CDH12: variants seen among roughly 807,000 people sequenced by gnomAD.
CDH12 encodes cadherin-12.
In CDH12, 41 loss-of-function variants were observed where a neutral mutation model predicts 74.1. That is an observed-to-expected ratio of 0.55 (90% CI 0.43 to 0.72). CDH12 has a LOEUF of 0.72. CDH12 is among the 30% of genes least tolerant of loss of function. The pLI is 0.00. For synonymous variants in CDH12, 399 were observed against 355.0 expected, an observed-to-expected ratio of 1.12 and a Z score of -1.39; for missense variants, 945 against 977.2, an observed-to-expected ratio of 0.97 and a Z score of 0.44.
At chr5:22,425,298 T>C (rs2126507019) in intron 2 of CDH12, among the ~76,000 whole-genome samples, 1 of 151,164 alleles carries the variant, frequency 6.6e-6, no homozygotes, top group South Asian at 2.1e-4. Flanking sequence ...TATGGTTTTG[T>C]GAGTGTGGTA....
chr5:22,404,695 A>AT (rs1208983008), intron 3 of CDH12, among the ~76,000 whole-genome samples: 2 of 152,180 alleles, frequency 1.3e-5, no homozygotes, highest in Non-Finnish European at 2.9e-5. Flanking sequence ...GGAAAGAATA[A>AT]TTACAAAGGA....
At chr5:22,259,737 T>G (rs1329386935) in intron 3 of CDH12, among the ~76,000 whole-genome samples, 1 of 152,056 alleles carries the variant, frequency 6.6e-6, no homozygotes, top group East Asian at 1.9e-4. Flanking sequence ...AGGACTTTTT[T>G]TTTTTACTAG....
At chr5:22,839,563 G>A (rs1467295899) in intron 1 of CDH12, among the ~76,000 whole-genome samples, 1 of 151,666 alleles carries the variant, frequency 6.6e-6, no homozygotes, top group Non-Finnish European at 1.5e-5. Flanking sequence ...CACCATGTTG[G>A]CCAGGCTGGT....
intron 3 of CDH12, among the ~76,000 whole-genome samples, chr5:22,288,253 A>C (rs911977131): frequency 6.6e-6 from 1 of 152,176 alleles, no homozygotes; most frequent in African/African-American, 2.4e-5. Flanking sequence ...AACATGAGCA[A>C]AAATATACAC....
Position 22,043,523 on chromosome 5 carries a change from A to G in CDH12, c.231+34923T>C, listed in dbSNP as rs1739717136. Among the ~76,000 whole-genome samples, 3 of 152,130 alleles carry G rather than the reference A, an allele frequency of 2.0e-5. No homozygotes were observed. The South Asian group carries it at 6.2e-4, about 32-fold the overall frequency. ...AGGGAAAGAAAGTTTTTCCATTAAG[A>G]TATGAAACAAGACAGAGATGCCCAC... On this transcript the variant is annotated intron_variant, in intron 5 of 14. Coordinates refer to ENST00000382254, the MANE Select transcript of CDH12 (RefSeq NM_004061.5).
At chr5:22,721,825 G>A (rs551407370) in intron 1 of CDH12, among the ~76,000 whole-genome samples, 10 of 152,116 alleles carry the variant, frequency 6.6e-5, no homozygotes, top group African/African-American at 1.9e-4. Flanking sequence ...TTTTATAAAG[G>A]GCTCTTCCTC....
intron 6 of CDH12, among the ~76,000 whole-genome samples, chr5:21,881,423 T>C (rs554922052): frequency 6.6e-6 from 1 of 152,212 alleles, no homozygotes; most frequent in Non-Finnish European, 1.5e-5. Flanking sequence ...TCTGGAGTCT[T>C]GACTTTTAGT....
intron 3 of CDH12, among the ~76,000 whole-genome samples, chr5:22,272,487 T>C (rs577004444): frequency 6.6e-6 from 1 of 152,330 alleles, no homozygotes; most frequent in African/African-American, 2.4e-5. Flanking sequence ...AATTTTCTTT[T>C]GAATTCACAA....
At chr5:22,825,110 A>G (rs943595184) in intron 1 of CDH12, among the ~76,000 whole-genome samples, 1 of 152,100 alleles carries the variant, frequency 6.6e-6, no homozygotes, top group Non-Finnish European at 1.5e-5. Flanking sequence ...TTATTTCTTA[A>G]TCCATTCACA....
intron 4 of CDH12, among the ~76,000 whole-genome samples, chr5:22,193,528 G>A (rs1162490740): frequency 6.6e-6 from 1 of 152,166 alleles, no homozygotes; most frequent in Non-Finnish European, 1.5e-5. Flanking sequence ...TGTGCTGAAT[G>A]TCAACCTGTT....
Position 22,436,370 on chromosome 5 carries a change from C to G in CDH12, c.-427-31019G>C, listed in dbSNP as rs915200306. On this transcript the variant is annotated intron_variant, in intron 2 of 14. Transcript: ENST00000382254. ...TGAGTTAATGGGTGCAGCACACCAA[C>G]ATGGCAGATGTATACATATGTAACA... Among the ~76,000 whole-genome samples, 56 of 145,370 alleles carry G rather than the reference C, an allele frequency of 3.9e-4. 1 individual carries two copies. Among genetic ancestry groups the G allele is most frequent in the Admixed American group, 1.8e-3 (26 of 14,090 alleles).
At chr5:22,819,408 G>A (rs747023783) in intron 1 of CDH12, among the ~76,000 whole-genome samples, 1 of 151,620 alleles carries the variant, frequency 6.6e-6, no homozygotes, top group East Asian at 1.9e-4. Flanking sequence ...GTAAACAAAG[G>A]CACCCTTCAT....
intron 2 of CDH12, among the ~76,000 whole-genome samples, chr5:22,422,145 G>T (rs1743680102): frequency 1.3e-5 from 2 of 152,044 alleles, no homozygotes; most frequent in Non-Finnish European, 1.5e-5. Flanking sequence ...AGGGCATTTT[G>T]TCTTATGCCA....
At chr5:22,578,586 G>A (rs1739914139) in intron 1 of CDH12, among the ~76,000 whole-genome samples, 1 of 152,100 alleles carries the variant, frequency 6.6e-6, no homozygotes. Context: ...AATAATAAAT[G>A]TACTAGTTTC....
At chr5:22,747,374 A>T (rs2127028065) in intron 1 of CDH12, among the ~76,000 whole-genome samples, 1 of 151,792 alleles carries the variant, frequency 6.6e-6, no homozygotes, top group South Asian at 2.1e-4. Context: ...CTGTAATCTG[A>T]GCAGTTTAGG....
intron 1 of CDH12, among the ~76,000 whole-genome samples, chr5:22,510,017 A>T (rs1188022317): frequency 6.6e-6 from 1 of 150,610 alleles, no homozygotes; most frequent in African/African-American, 2.4e-5. Context: ...AAAAAATTTA[A>T]AAAAAAAAAT....
At chr5:22,670,181 T>TGTTG (rs1313682044) in intron 1 of CDH12, among the ~76,000 whole-genome samples, 40 of 152,142 alleles carry the variant, frequency 2.6e-4, no homozygotes, top group African/African-American at 9.4e-4. Flanking sequence ...TTTGTTTATT[T>TGTTG]GTTTGTTTGT....
chr5:21,906,715 G>A (rs1419506927), intron 6 of CDH12, among the ~76,000 whole-genome samples: 3 of 152,202 alleles, frequency 2.0e-5, no homozygotes, highest in East Asian at 1.9e-4. Context: ...GATACATCCA[G>A]CCATGTTTTT....
At chr5:22,804,036 G>A (rs926959509) in intron 1 of CDH12, among the ~76,000 whole-genome samples, 1 of 151,702 alleles carries the variant, frequency 6.6e-6, no homozygotes, top group African/African-American at 2.4e-5. Context: ...TGAAAGACCC[G>A]CTTGCATATT....
Sources: gnomAD v4.1 joint callset for allele counts (sites outside exome capture counted in the v4.1 genomes callset) on GRCh38, gnomAD v4.1.1 for gene constraint, MANE v1.5 for transcripts, NCBI Gene and HGNC (gene_info 2026-07-23, HGNC 2026-07-21) for gene names.